The following ZNF540 variants were observed in gnomAD, a reference collection of about 807,000 sequenced individuals.
The protein encoded by ZNF540 is zinc finger protein 540, also known as CTD-3064H18.6.
In ZNF540, 3 loss-of-function variants were observed where a neutral mutation model predicts 11.8. That is an observed-to-expected ratio of 0.25 (90% confidence interval 0.12 to 0.65). The LOEUF is 0.65. Among genes scored for constraint, ZNF540 ranks in the 30% least tolerant of loss-of-function variants. ZNF540 has a pLI of 0.83. For missense variants in ZNF540, 709 were observed against 793.1 expected (o/e 0.89, Z 1.27); for synonymous variants, 247 against 259.0 (o/e 0.95, Z 0.45).
intron 1 of ZNF540, chr19:37,563,746 TGTG>T (rs1490318893): frequency 6.8e-6 from 1 of 147,130 alleles, no homozygotes; most frequent in African/African-American, 2.7e-5. Context: ...TATATACACA[TGTG>T]GAATATATTC....
intron 4 of ZNF540, among the ~76,000 whole-genome samples, chr19:37,608,436 A>C (rs1207896718): frequency 6.6e-6 from 1 of 151,946 alleles, no homozygotes; most frequent in Non-Finnish European, 1.5e-5. Flanking sequence ...GATGTTGTCT[A>C]TTTTTTCTAT....
At chr19:37,585,219 G>A (rs1021444052) in intron 1 of ZNF540, 1 of 152,208 alleles carries the variant, frequency 6.6e-6, no homozygotes, top group African/African-American at 2.4e-5. Context: ...GGTTGTAGAA[G>A]GCAGAATAAA....
intron 1 of ZNF540, among the ~76,000 whole-genome samples, chr19:37,578,000 C>T (rs1048080499): frequency 5.3e-5 from 8 of 152,248 alleles, no homozygotes; most frequent in African/African-American, 1.7e-4. Flanking sequence ...GTCAGATCAG[C>T]GGCAGCTTGA....
At chr19:37,598,306 A>C in intron 1 of ZNF540, 70 bp from the exon 2 acceptor site, 2 of 771,854 alleles carry the variant, frequency 2.6e-6, no homozygotes, top group South Asian at 3.4e-5. Flanking sequence ...AAGATTATTA[A>C]TTTATATCAT....
chr19:37,601,740 G>A (rs576236765), intron 4 of ZNF540, among the ~76,000 whole-genome samples: 2 of 152,324 alleles, frequency 1.3e-5, no homozygotes, highest in East Asian at 3.9e-4. Flanking sequence ...TATAGGCTTA[G>A]GCCATGTGAA....
intron 1 of ZNF540, among the ~76,000 whole-genome samples, chr19:37,582,137 G>A (rs1287574883): frequency 6.6e-6 from 1 of 152,050 alleles, no homozygotes; most frequent in African/African-American, 2.4e-5. Context: ...AACAGTGCCT[G>A]GTGAGTTAAT....
chr19:37,561,535 A>G (rs2042717492), intron 1 of ZNF540, among the ~76,000 whole-genome samples: 1 of 152,188 alleles, frequency 6.6e-6, no homozygotes, highest in African/African-American at 2.4e-5. Flanking sequence ...TAAACAAAAG[A>G]TAGTATTTTC....
intron 1 of ZNF540, among the ~76,000 whole-genome samples, chr19:37,557,304 CT>C (rs2042669906): frequency 6.6e-6 from 1 of 152,170 alleles, no homozygotes; most frequent in African/African-American, 2.4e-5. Flanking sequence ...ATCTGTTAGG[CT>C]TTGAAGACGG....
rs529059654 is a variant in ZNF540, at chr19:37,606,098, T to G, written c.232+4993T>G. ...TTAATCCCTTCTTCAATCTACAGCTTTAGGCAGCTACTGACCTACCTTCCA... is the reference window on the plus strand; with the variant it reads ...TTAATCCCTTCTTCAATCTACAGCTGTAGGCAGCTACTGACCTACCTTCCA... On this transcript the variant is annotated intron_variant, in intron 4 of 4. Transcript: ENST00000316433. Among the ~76,000 whole-genome samples, 9 of 152,292 alleles carry G rather than the reference T, an allele frequency of 5.9e-5. No homozygotes were observed. The South Asian group carries it at 1.7e-3, about 28-fold the overall frequency.
chr19:37,553,482 AATT>A (rs1426938004), intron 1 of ZNF540, among the ~76,000 whole-genome samples: 1 of 152,040 alleles, frequency 6.6e-6, no homozygotes, highest in Non-Finnish European at 1.5e-5. Flanking sequence ...CATTGTTTGT[AATT>A]ATTGATATAT....
At chr19:37,583,175 C>T (rs1183985441) in intron 1 of ZNF540, among the ~76,000 whole-genome samples, 1 of 152,188 alleles carries the variant, frequency 6.6e-6, no homozygotes, top group Non-Finnish European at 1.5e-5. Flanking sequence ...TTATTCAGGT[C>T]TTAATTCAAA....
At chr19:37,608,881 TC>T (rs2044105392) in intron 4 of ZNF540, among the ~76,000 whole-genome samples, 21 of 152,252 alleles carry the variant, frequency 1.4e-4, no homozygotes, top group Admixed American at 1.2e-3. Flanking sequence ...CCTCAGGTGA[TC>T]CACCCACCTT....
chr19:37,597,282 G>T (rs1211668709), intron 1 of ZNF540, among the ~76,000 whole-genome samples: 1 of 152,066 alleles, frequency 6.6e-6, no homozygotes, highest in East Asian at 1.9e-4. Flanking sequence ...TCTGATTGAG[G>T]GAAATGGGGA....
At chr19:37,551,395 G>C (rs1380189687), upstream of ZNF540, 2 of 152,402 alleles carry the variant, frequency 1.3e-5, no homozygotes, top group East Asian at 3.9e-4. Flanking sequence ...AGCCACCGTT[G>C]CCTGGGGACG....
chr19:37,564,621 G>T, intron 1 of ZNF540: 1 of 1,548,782 alleles, frequency 6.5e-7, no homozygotes, highest in Non-Finnish European at 8.7e-7. Flanking sequence ...CTTGTATGTT[G>T]AGTAAGTTGT....
chr19:37,570,788 T>C (rs1783581133), intron 1 of ZNF540, among the ~76,000 whole-genome samples: 1 of 152,142 alleles, frequency 6.6e-6, no homozygotes, highest in Non-Finnish European at 1.5e-5. Context: ...TAGTCTCCTA[T>C]AAATAGAAGG....
In ZNF540 at chr19:37,569,006, G is replaced by C. The variant is rs920941051; in HGVS notation, c.-73+17341G>C. On this transcript the variant is annotated intron_variant, in intron 1 of 4. Coordinates refer to the ZNF540 transcript ENST00000592533. The surrounding 1 kb of genome is among the most constrained non-coding windows in gnomAD (Gnocchi z 4.4). ...GAGTCTCGCTCTGTCATCCAGGCTG[G>C]AGTGCAGTCGTGCCATCTCAGCTCA... 1.3e-5 allele frequency among the ~76,000 whole-genome samples: 2 copies of C among 151,924 alleles called. No homozygotes were observed. The highest frequency in any genetic ancestry group is 4.8e-5 in the African/African-American group (2 of 41,338).
chr19:37,572,491 A>T (rs1373148952), intron 1 of ZNF540, among the ~76,000 whole-genome samples: 2 of 152,200 alleles, frequency 1.3e-5, no homozygotes, highest in Non-Finnish European at 2.9e-5. Flanking sequence ...TCTGCCTATT[A>T]GTCACCACCC....
chr19:37,553,202 C>A, intron 1 of ZNF540, among the ~76,000 whole-genome samples: 1 of 120,900 alleles, frequency 8.3e-6, no homozygotes, highest in Non-Finnish European at 1.6e-5. Flanking sequence ...GGCATGATCT[C>A]GGCTCACTGC....
Sources: gnomAD v4.1 joint callset for allele counts (sites outside exome capture counted in the v4.1 genomes callset) on GRCh38, gnomAD v4.1.1 for gene constraint, Gnocchi (gnomAD v3.1) non-coding constraint, MANE v1.5 for transcripts, NCBI Gene and HGNC (gene_info 2026-07-23, HGNC 2026-07-21) for gene names.